ELP5: variants seen among roughly 807,000 people sequenced by gnomAD.
The protein encoded by ELP5 is elongator acetyltransferase complex subunit 5.
Under a neutral mutation model 33.4 loss-of-function variants are expected in ELP5, and 34 were observed. That is an observed-to-expected ratio of 1.02 (90% confidence interval 0.78 to 1.36). The LOEUF (loss-of-function observed/expected upper bound fraction) is 1.36, where lower values mean the gene tolerates loss of function less well. Ranked by LOEUF, ELP5 falls within the 40% of genes most tolerant of loss-of-function variation. The pLI is 0.00. For missense variants in ELP5, 373 were observed against 371.7 expected (o/e 1.00, Z -0.03); for synonymous variants, 161 against 146.4 (o/e 1.10, Z -0.72).
Position 7,257,805 on chromosome 17 carries a change from C to T in ELP5, c.591+767C>T, listed in dbSNP as rs374689788. Among the ~76,000 whole-genome samples, 33 of 152,316 alleles carry T rather than the reference C, an allele frequency of 2.2e-4. No homozygotes were observed. The East Asian group carries it at 2.9e-3, about 13-fold the overall frequency. On this transcript the variant is annotated intron_variant, in intron 5 of 7. Coordinates refer to ENST00000396628, the MANE Select transcript of ELP5 (RefSeq NM_203414.3). ...TAAGTGGGGCCCAGGCGAGGTGGCTCAGGCCCATAATCCCAGCACTTTGGG... is the reference window on the plus strand; with the variant it reads ...TAAGTGGGGCCCAGGCGAGGTGGCTTAGGCCCATAATCCCAGCACTTTGGG...
chr17:7,258,215 G>A (rs1220466335), intron 5 of ELP5, among the ~76,000 whole-genome samples: 4 of 152,182 alleles, frequency 2.6e-5, no homozygotes, highest in African/African-American at 4.8e-5. Context: ...TTGGGAGGCC[G>A]AAGTGGGCAG....
intron 4 of ELP5, among the ~76,000 whole-genome samples, chr17:7,255,102 C>T (rs1221050671): frequency 6.6e-6 from 1 of 151,952 alleles, no homozygotes; most frequent in African/African-American, 2.4e-5. Flanking sequence ...AAAATACAGA[C>T]TGACTGTAGC....
chr17:7,254,933 TTG>T, intron 4 of ELP5, 130 bp downstream of exon 4: 1 of 683,586 alleles, frequency 1.5e-6, no homozygotes, highest in African/African-American at 2.6e-5. Flanking sequence ...TTTGACTTTT[TTG>T]TCTGTTTTTT....
At chr17:7,252,682 T>C in intron 1 of ELP5, 86 bp downstream of exon 1, 2 of 1,606,842 alleles carry the variant, frequency 1.2e-6, no homozygotes, top group South Asian at 1.1e-5. Flanking sequence ...GGGCCAGGGG[T>C]CACAGGCTAG....
chr17:7,253,140 G>A (rs945268278), intron 3 of ELP5, 142 bp downstream of exon 3: 4 of 780,512 alleles, frequency 5.1e-6, no homozygotes, highest in African/African-American at 3.4e-5. Flanking sequence ...CTTTCAGGAG[G>A]CAAGAATTAA....
intron 5 of ELP5, 31 bp from the exon 6 acceptor site, chr17:7,258,557 T>C (rs1444888581): frequency 6.2e-7 from 1 of 1,605,876 alleles, no homozygotes; most frequent in South Asian, 1.1e-5. Flanking sequence ...TTCAGTAAGA[T>C]GAAAAAAACT....
chr17:7,258,555 G>A (rs777639312), intron 5 of ELP5, 33 bp from the exon 6 acceptor site: 32 of 1,604,270 alleles, frequency 2.0e-5, no homozygotes, highest in Admixed American at 1.7e-4. Context: ...TCTTCAGTAA[G>A]ATGAAAAAAA....
rs1433595559 is a variant in ELP5 at position 7,257,432 on chromosome 17, T to G, written c.591+394T>G. 8.8e-3 allele frequency among the ~76,000 whole-genome samples: 162 copies of G among 18,334 alleles called. 1 individual carries two copies. In the Middle Eastern group the frequency reaches 0.19, roughly 22 times the overall value. The allele number at this position is 18,334 out of a possible 152,430, so 12.0% of individuals were successfully genotyped here. The stretch of plus-strand genomic sequence containing the variant: ...CAGGGAGGGTTTTATTCCCTTGGAG[T>G]TTTTTTTTTTTTTTTTATTGGACAA... On this transcript the variant is annotated intron_variant, in intron 5 of 7. Coordinates refer to ENST00000396628, the MANE Select transcript of ELP5 (RefSeq NM_203414.3).
intron 4 of ELP5, among the ~76,000 whole-genome samples, chr17:7,256,628 G>A (rs2072080683): frequency 6.6e-6 from 1 of 152,252 alleles, no homozygotes; most frequent in Non-Finnish European, 1.5e-5. Context: ...AGGAGCTGCT[G>A]AAGAATAGAA....
chr17:7,252,531 G>T lies in ELP5; in HGVS notation c.-20G>T, dbSNP rs781456383. ...ACGCCATCAGAGGGCGCCAGAGCAG[G>T]GACCGGACGCGAGTTGGAGATGTTG... On this transcript the variant is annotated 5_prime_UTR_variant, in exon 1 of 8. Coordinates refer to ENST00000396628, the MANE Select transcript of ELP5 (RefSeq NM_203414.3). The T allele has an allele frequency of 2.5e-6, 4 of 1,613,718 alleles. No homozygotes were observed. The highest frequency in any genetic ancestry group is 1.3e-5 in the African/African-American group (1 of 74,940).
intron 3 of ELP5, among the ~76,000 whole-genome samples, chr17:7,254,261 T>C (rs2072021127): frequency 1.3e-5 from 2 of 152,212 alleles, no homozygotes; most frequent in South Asian, 4.1e-4. Flanking sequence ...AACTAACATT[T>C]ATCAGGCATA....
chr17:7,257,871 C>G lies in ELP5; in HGVS notation c.592-717C>G, dbSNP rs372523345. Among the ~76,000 whole-genome samples, 234 of 152,126 alleles carry G rather than the reference C, an allele frequency of 1.5e-3. 2 individuals are homozygous for G. Among genetic ancestry groups the G allele is most frequent in the African/African-American group, 5.5e-3 (229 of 41,484 alleles). The stretch of plus-strand genomic sequence containing the variant: ...GATTGTGAGGTCAGGAGTTCGAGAC[C>G]GGCCTGGCTAACATGGTGAAATCTC... On this transcript the variant is annotated intron_variant, in intron 5 of 7. Transcript: ENST00000396628.
chr17:7,256,852 TC>T lies in ELP5; in HGVS notation c.410-4del, dbSNP rs770070311. 1.1e-4 allele frequency: 183 copies of T among 1,614,044 alleles called. No individual in the cohort carries two copies. The highest frequency in any genetic ancestry group is 1.5e-4 in the Non-Finnish European group (180 of 1,180,000). The stretch of plus-strand genomic sequence containing the variant: ...TACTATCCTACATTTCTTGTCCTCC[TC>T]TAGGTGACAGCTCCTCAGTGGGGAA... On this transcript the variant is annotated splice_region_variant and splice_polypyrimidine_tract_variant and intron_variant, in intron 4 of 7. Coordinates refer to ENST00000396628, the MANE Select transcript of ELP5 (RefSeq NM_203414.3).
At chr17:7,258,414 A>G (rs2072126745) in intron 5 of ELP5, among the ~76,000 whole-genome samples, 174 bp from the exon 6 acceptor site, 1 of 149,172 alleles carries the variant, frequency 6.7e-6, no homozygotes. Context: ...ACGCCACTGT[A>G]CTCCAGCCTG....
In ELP5 at chr17:7,256,928, G is replaced by A. The variant is rs754152415; in HGVS notation, c.481G>A (p.Val161Met). ...TGAAGAGCTTCATGGACCAGGCCCT[G>A]TGGGAGCTCTCAGCAGCCTTGCTCA... ...LHEELHGPGP[V>M]GALSSLAQTE... The change falls in exon 5 of 8, where the codon GTG becomes ATG. Residue 161 changes from valine to methionine, a missense_variant. Coordinates refer to ENST00000396628, the MANE Select transcript of ELP5 (RefSeq NM_203414.3). The A allele has an allele frequency of 3.1e-6, 5 of 1,613,984 alleles. No homozygotes were observed. Among genetic ancestry groups the A allele is most frequent in the Non-Finnish European group, 3.4e-6 (4 of 1,180,044 alleles).
At chr17:7,259,508 G>T (rs2072161954) in intron 7 of ELP5, 63 bp from the exon 8 acceptor site, 2 of 1,600,620 alleles carry the variant, frequency 1.2e-6, no homozygotes, top group East Asian at 2.2e-5. Context: ...CAGTCACCTG[G>T]AAGAAAGTAT....
At chr17:7,254,975 A>G (rs1189641640) in intron 4 of ELP5, 172 bp downstream of exon 4, 4 of 575,682 alleles carry the variant, frequency 6.9e-6, no homozygotes, top group South Asian at 2.2e-5. Flanking sequence ...AATGCCATCT[A>G]CCATTTGCTT....
Position 7,252,981 on chromosome 17 carries a change from C to T in ELP5, c.171C>T (p.Asp57=), listed in dbSNP as rs763080161. 10 of 1,614,032 alleles carry T rather than the reference C, an allele frequency of 6.2e-6. No individual in the cohort carries two copies. The highest frequency in any genetic ancestry group is 3.3e-5 in the Admixed American group (2 of 59,978). The change falls in exon 3 of 8, where the codon GAC becomes GAT. Residue 57 remains aspartate (D), a synonymous_variant. Coordinates refer to ENST00000396628, the MANE Select transcript of ELP5 (RefSeq NM_203414.3). ...AGGAAGAGTTTCGTGAAGGTTTTGA[C>T]TCTGATATCAACAATCGGTAAGTAC... is the stretch of plus-strand genomic sequence containing the variant. ...VSEEEFREGF[D]SDINNRLVYH...
chr17:7,254,602 T>C lies in ELP5; in HGVS notation c.208T>C (p.Phe70Leu). 2 of 1,613,186 alleles carry C rather than the reference T, an allele frequency of 1.2e-6. No homozygotes were observed. The highest frequency in any genetic ancestry group is 1.7e-6 in the Non-Finnish European group (2 of 1,179,244). Reference sequence around the variant, plus strand: ...TTGCAGGCTGGTTTACCATGACTTCTTCAGAGACCCTCTCAACTGGTCAAA... The same window carrying C: ...TTGCAGGCTGGTTTACCATGACTTCCTCAGAGACCCTCTCAACTGGTCAAA... ...INNRLVYHDF[F>L]RDPLNWSKTE... The change falls in exon 4 of 8, where the codon TTC becomes CTC. Residue 70 changes from phenylalanine to leucine, a missense_variant. Phe to Leu is a conservative substitution (Grantham distance 22, BLOSUM62 0). Transcript: ENST00000396628.
Sources: allele counts gnomAD v4.1 joint callset (sites outside exome capture counted in the v4.1 genomes callset), GRCh38; gene constraint gnomAD v4.1.1; transcripts MANE v1.5; gene names NCBI Gene and HGNC (gene_info 2026-07-23, HGNC 2026-07-21).